Variants in GTF2A1L observed in about 807,000 individuals in gnomAD.
The protein encoded by GTF2A1L is TFIIA-alpha and beta-like factor.
A neutral mutation model predicts 49.7 loss-of-function variants in GTF2A1L; 48 were observed. The observed-to-expected ratio is 0.97, with a 90% CI of 0.77 to 1.23. The LOEUF (loss-of-function observed/expected upper bound fraction) is 1.23, where lower values mean the gene tolerates loss of function less well. GTF2A1L is among the 50% of genes most tolerant of loss of function. GTF2A1L has a pLI of 0.00. For missense variants in GTF2A1L, 736 were observed against 564.8 expected (o/e 1.30, Z -3.07); for synonymous variants, 246 against 193.5 (o/e 1.27, Z -2.25).
chr2:48,671,727 A>G, intron 8 of GTF2A1L, 47 bp downstream of exon 8: 1 of 1,508,540 alleles, frequency 6.6e-7, no homozygotes, highest in Non-Finnish European at 9.1e-7. Flanking sequence ...CTGCATTTAT[A>G]GTAGAAAGGT....
At chr2:48,636,448 CTG>C (rs955487506) in intron 3 of GTF2A1L, among the ~76,000 whole-genome samples, 3 of 152,016 alleles carry the variant, frequency 2.0e-5, no homozygotes, top group African/African-American at 7.2e-5. Flanking sequence ...GTTTTTTTAA[CTG>C]TGAGTAGCAA....
chr2:48,620,632 C>T lies in GTF2A1L; in HGVS notation c.22-219C>T, dbSNP rs374082900. On this transcript the variant is annotated intron_variant, in intron 1 of 8. Transcript: ENST00000403751. ...GTCTCTCTAAAAATACAAAAATTAGCGGGGCATGGTGGCATGCACCTGTAA... is the reference window on the plus strand; with the variant it reads ...GTCTCTCTAAAAATACAAAAATTAGTGGGGCATGGTGGCATGCACCTGTAA... Among the ~76,000 whole-genome samples, 12 of 152,136 alleles carry T rather than the reference C, an allele frequency of 7.9e-5. No individual in the cohort carries two copies. In the South Asian group the frequency reaches 1.2e-3, roughly 16 times the overall value.
intron 1 of GTF2A1L, chr2:48,618,113 C>G (rs1007874524): frequency 1.9e-5 from 10 of 537,818 alleles, no homozygotes; most frequent in Non-Finnish European, 3.3e-5. Context: ...GCCAAAAGAA[C>G]AAGTGCCCTT....
At chr2:48,659,995 C>T (rs1678394285) in intron 6 of GTF2A1L, among the ~76,000 whole-genome samples, 1 of 152,138 alleles carries the variant, frequency 6.6e-6, no homozygotes. Context: ...ATCATCCTAG[C>T]TAGCACTTTT....
intron 6 of GTF2A1L, among the ~76,000 whole-genome samples, chr2:48,649,425 A>C (rs1467604797): frequency 2.0e-5 from 3 of 151,898 alleles, no homozygotes; most frequent in Non-Finnish European, 2.9e-5. Flanking sequence ...AGTCTCTTCT[A>C]CCTCTTACTC....
chr2:48,653,757 A>G (rs1202816940), intron 6 of GTF2A1L, among the ~76,000 whole-genome samples: 1 of 151,938 alleles, frequency 6.6e-6, no homozygotes, highest in Non-Finnish European at 1.5e-5. Context: ...ACATGGCAAA[A>G]CCCCATCTCT....
chr2:48,648,039 A>C (rs996268341), intron 6 of GTF2A1L, among the ~76,000 whole-genome samples: 1 of 152,086 alleles, frequency 6.6e-6, no homozygotes, highest in African/African-American at 2.4e-5. Context: ...ATGATATTTA[A>C]ATTTTGCTAG....
Position 48,662,238 on chromosome 2 carries a change from GT to G in GTF2A1L, c.979-7478del, listed in dbSNP as rs530553156. ...CATATTTTATTTACACATTAACATA[GT>G]TTTTTAATGCTTTTGTCTTTTAAAT... On this transcript the variant is annotated intron_variant, in intron 6 of 8. Coordinates refer to ENST00000403751, the MANE Select transcript of GTF2A1L (RefSeq NM_006872.5). 1.1e-4 allele frequency among the ~76,000 whole-genome samples: 16 copies of G among 152,200 alleles called. No homozygotes were observed. In the South Asian group the frequency reaches 3.1e-3, roughly 30 times the overall value.
At position 48,669,708 on chromosome 2, in the gene GTF2A1L, C is replaced by T; in HGVS notation, c.979-14C>T. ...ATTTGACTTGAACTTTATTGTATTT[C>T]TTTCTCTTTTTAGGATTCTAATTCT... is the stretch of plus-strand genomic sequence containing the variant. On this transcript the variant is annotated splice_polypyrimidine_tract_variant and intron_variant, in intron 6 of 8. Transcript: ENST00000403751. The T allele has an allele frequency of 1.9e-6, 3 of 1,593,386 alleles. No homozygotes were observed. The highest frequency in any genetic ancestry group is 2.3e-5 in the South Asian group (2 of 87,448).
At chr2:48,645,688 G>A (rs376905404) in intron 5 of GTF2A1L, among the ~76,000 whole-genome samples, 5 of 152,070 alleles carry the variant, frequency 3.3e-5, no homozygotes, top group African/African-American at 9.7e-5. Context: ...TCGCTCTGTC[G>A]CCCACGCTGT....
At chr2:48,670,045 C>A in intron 7 of GTF2A1L, 63 bp downstream of exon 7, 1 of 1,528,374 alleles carries the variant, frequency 6.5e-7, no homozygotes, top group South Asian at 1.4e-5. Context: ...CTTTATTATG[C>A]CTTGGAACCA....
In GTF2A1L at chr2:48,679,533, A is replaced by G; in HGVS notation, c.*91A>G. The G allele has an allele frequency of 1.3e-6, 2 of 1,524,840 alleles. No homozygotes were observed. The highest frequency in any genetic ancestry group is 1.7e-6 in the Non-Finnish European group (2 of 1,143,412). The allele number at this position is 1,524,840 out of a possible 1,614,324, so 94.5% of individuals were successfully genotyped here. On this transcript the variant is annotated 3_prime_UTR_variant, in exon 9 of 9. Coordinates refer to ENST00000403751, the MANE Select transcript of GTF2A1L (RefSeq NM_006872.5). The stretch of plus-strand genomic sequence containing the variant: ...ATTTTTATTTTGAATATAGTCCAGC[A>G]CAGAGCTGTTCAAATTTTTAGTTCA...
chr2:48,666,239 T>G (rs1046838312), intron 6 of GTF2A1L, among the ~76,000 whole-genome samples: 14 of 151,964 alleles, frequency 9.2e-5, no homozygotes, highest in Non-Finnish European at 1.8e-4. Flanking sequence ...GGTGTCTCGC[T>G]CTGTCACCCA....
chr2:48,671,700 G>A lies in GTF2A1L; in HGVS notation c.1329+20G>A, dbSNP rs781340980. 3.2e-5 allele frequency: 51 copies of A among 1,598,114 alleles called. No homozygotes were observed. Among genetic ancestry groups the A allele is most frequent in the Non-Finnish European group, 4.3e-5 (50 of 1,172,558 alleles). On this transcript the variant is annotated intron_variant, in intron 8 of 8. Transcript: ENST00000403751. ...GATAAGGTACTGTATTTACCTTTTG[G>A]ACTTTGGGTTTATTAACTGCATTTA...
intron 3 of GTF2A1L, among the ~76,000 whole-genome samples, chr2:48,626,492 T>C (rs2104086883): frequency 6.9e-6 from 1 of 144,794 alleles, no homozygotes; most frequent in East Asian, 1.9e-4. Flanking sequence ...TGATATCAGT[T>C]ATTCCAGTCC....
At chr2:48,617,919 G>A (rs1172761949) in intron 1 of GTF2A1L, 24 bp downstream of exon 1, 1 of 1,551,638 alleles carries the variant, frequency 6.4e-7, no homozygotes, top group African/African-American at 1.4e-5. Flanking sequence ...CAGGCTCTGT[G>A]TAGAGGGAGC....
intron 6 of GTF2A1L, among the ~76,000 whole-genome samples, chr2:48,648,326 T>G (rs34640290): frequency 0.089 from 13,555 of 152,134 alleles, 657 homozygotes; most frequent in Non-Finnish European, 0.11. Flanking sequence ...TAACTACAAA[T>G]GTAAAATGTT....
chr2:48,646,642 T>C lies in GTF2A1L; in HGVS notation c.578T>C (p.Val193Ala), dbSNP rs141150905. ...TTEKSQRIET[V>A]LQQPAILPSG... Reference sequence around the variant, plus strand: ...GAAAAATCACAGAGAATTGAAACCGTGCTACAGCAACCCGCAATTCTACCT... The same window carrying C: ...GAAAAATCACAGAGAATTGAAACCGCGCTACAGCAACCCGCAATTCTACCT... Residue 193 changes from valine (V) to alanine (A), a missense_variant, in exon 6 of 9, where the codon GTG (valine) becomes GCG (alanine). Physicochemically the swap from Val to Ala is moderately conservative, Grantham distance 64. Transcript: ENST00000403751. 2.5e-6 allele frequency: 4 copies of C among 1,614,112 alleles called. No individual in the cohort carries two copies. The highest frequency in any genetic ancestry group is 2.7e-5 in the African/African-American group (2 of 75,022).
intron 6 of GTF2A1L, among the ~76,000 whole-genome samples, chr2:48,656,828 G>T (rs75965013): frequency 0.027 from 4,050 of 152,070 alleles, 114 homozygotes; most frequent in South Asian, 0.11. Flanking sequence ...TATAGTTTTA[G>T]TTCTTATCTT....
Sources: gnomAD v4.1 joint callset for allele counts (sites outside exome capture counted in the v4.1 genomes callset) on GRCh38, gnomAD v4.1.1 for gene constraint, MANE v1.5 for transcripts, NCBI Gene and HGNC (gene_info 2026-07-23, HGNC 2026-07-21) for gene names.